Variants in PSTPIP2 observed in about 807,000 individuals in gnomAD.
PSTPIP2 encodes the protein proline-serine-threonine phosphatase interacting protein 2, also known as proline-serine-threonine phosphatase-interacting protein 2.
In PSTPIP2, 33 loss-of-function variants were observed where a neutral mutation model predicts 63.3. The ratio of observed to expected loss-of-function variants is 0.52; its 90% CI spans 0.40 to 0.70. PSTPIP2 has a LOEUF of 0.70. PSTPIP2 is among the 30% of genes least tolerant of loss of function. The pLI is 0.00. For missense variants in PSTPIP2, 312 were observed against 400.7 expected, an observed-to-expected ratio of 0.78 and a Z score of 1.89; for synonymous variants, 125 against 132.7, an observed-to-expected ratio of 0.94 and a Z score of 0.40.
At chr18:46,032,947 C>G (rs1050870034) in intron 2 of PSTPIP2, among the ~76,000 whole-genome samples, 7 of 152,124 alleles carry the variant, frequency 4.6e-5, no homozygotes, top group Non-Finnish European at 1.0e-4. Context: ...TGCCATAAAA[C>G]CTAACACTTA....
chr18:46,072,088 C>A, intron 1 of PSTPIP2, 68 bp downstream of exon 1: 2 of 1,503,540 alleles, frequency 1.3e-6, no homozygotes, highest in Non-Finnish European at 8.9e-7. Context: ...CCCCCACGCC[C>A]GCCGCGTTGG....
At chr18:46,046,470 A>G (rs1459368832) in intron 1 of PSTPIP2, among the ~76,000 whole-genome samples, 1 of 152,226 alleles carries the variant, frequency 6.6e-6, no homozygotes, top group Non-Finnish European at 1.5e-5. Context: ...TTAAACATGC[A>G]GACCCCTCAG....
rs1475341983 is a variant in PSTPIP2, at chr18:46,072,212, G to A, written c.-24C>T. On this transcript the variant is annotated 5_prime_UTR_variant, in exon 1 of 15. Transcript: ENST00000409746. ...ATCGCAGCGCGAGTGGGGGCGCGGA[G>A]GAGAGCCGGGCCGCAGGTAGCACAG... is the stretch of plus-strand genomic sequence containing the variant. 4 of 1,533,054 alleles carry A rather than the reference G, an allele frequency of 2.6e-6. No individual in the cohort carries two copies. Among genetic ancestry groups the A allele is most frequent in the Non-Finnish European group, 2.6e-6 (3 of 1,139,924 alleles). 95.0% of individuals were successfully genotyped at this position (1,533,054 alleles called of 1,614,324 possible).
intron 2 of PSTPIP2, among the ~76,000 whole-genome samples, chr18:46,038,600 T>C (rs532963554): frequency 1.3e-5 from 2 of 152,296 alleles, no homozygotes; most frequent in African/African-American, 2.4e-5. Context: ...ACTGCCAGTG[T>C]TTGTAAAAAG....
intron 2 of PSTPIP2, among the ~76,000 whole-genome samples, chr18:46,027,156 A>C (rs897818977): frequency 2.0e-4 from 31 of 151,962 alleles, no homozygotes; most frequent in African/African-American, 7.5e-4. Flanking sequence ...TTAGCCAGGC[A>C]TGGTGGCGCA....
intron 1 of PSTPIP2, among the ~76,000 whole-genome samples, chr18:46,067,917 G>A (rs1909251419): frequency 6.6e-6 from 1 of 152,020 alleles, no homozygotes; most frequent in African/African-American, 2.4e-5. Flanking sequence ...AAAAATTACA[G>A]CAACAATCTA....
chr18:46,029,698 A>T, intron 2 of PSTPIP2: 1 of 695,510 alleles, frequency 1.4e-6, no homozygotes, highest in Admixed American at 2.2e-5. Flanking sequence ...AGAAGCAGTC[A>T]TTGGTTCATC....
In PSTPIP2 at chr18:45,999,452, G is replaced by A. The variant is rs1175762878; in HGVS notation, c.500C>T (p.Pro167Leu). ...CCTGGGTACCTTTTCTTGTTGCTTC[G>A]GGTTCACCAGGTTGGCACTCCGGCT... Reference protein sequence around the residue: ...AVSRSANLVNPKQQEKLFVKL... With the variant: ...AVSRSANLVNLKQQEKLFVKL... Residue 167 changes from proline (P) to leucine (L), a missense_variant, in exon 7 of 15, where the codon CCG (proline) becomes CTG (leucine). Pro to Leu is a moderately conservative substitution (Grantham distance 98). Transcript: ENST00000409746. The A allele has an allele frequency of 6.2e-6, 10 of 1,614,014 alleles. No homozygotes were observed. Among genetic ancestry groups the A allele is most frequent in the Admixed American group, 3.3e-5 (2 of 59,994 alleles).
intron 1 of PSTPIP2, among the ~76,000 whole-genome samples, chr18:46,047,370 C>A (rs1599739655): frequency 1.3e-5 from 2 of 152,102 alleles, no homozygotes; most frequent in Admixed American, 6.6e-5. Flanking sequence ...GTCAGGAGTT[C>A]GAGACCAGCT....
At chr18:46,065,986 T>C (rs1275965743) in intron 1 of PSTPIP2, among the ~76,000 whole-genome samples, 1 of 152,110 alleles carries the variant, frequency 6.6e-6, no homozygotes, top group East Asian at 1.9e-4. Flanking sequence ...AGGAAAAAAG[T>C]TGGGAAAGTA....
chr18:46,070,357 C>T (rs1309624697), intron 1 of PSTPIP2, among the ~76,000 whole-genome samples: 1 of 152,210 alleles, frequency 6.6e-6, no homozygotes, highest in African/African-American at 2.4e-5. Context: ...CACCCTGTCA[C>T]CCTCTCCGCT....
chr18:46,065,378 G>A lies in PSTPIP2; in HGVS notation c.33+6778C>T, dbSNP rs966900365. 4.6e-5 allele frequency among the ~76,000 whole-genome samples: 7 copies of A among 151,132 alleles called. No individual in the cohort carries two copies. In the East Asian group the frequency reaches 5.9e-4, roughly 13 times the overall value. On this transcript the variant is annotated intron_variant, in intron 1 of 14. Coordinates refer to ENST00000409746, the MANE Select transcript of PSTPIP2 (RefSeq NM_024430.4). Reference sequence around the variant, plus strand: ...ATGCTCTCAGCTCACTGCAAACTCCGCCTCCTGGGTTCAAACGATTCTCCT... The same window carrying A: ...ATGCTCTCAGCTCACTGCAAACTCCACCTCCTGGGTTCAAACGATTCTCCT...
chr18:46,007,508 C>T (rs1162574255), intron 5 of PSTPIP2, among the ~76,000 whole-genome samples: 1 of 152,256 alleles, frequency 6.6e-6, no homozygotes, highest in Non-Finnish European at 1.5e-5. Context: ...GACTGTGTCC[C>T]TCTGCCAGGA....
chr18:45,993,063 G>A (rs2051555530), intron 10 of PSTPIP2, among the ~76,000 whole-genome samples: 1 of 152,138 alleles, frequency 6.6e-6, no homozygotes, highest in South Asian at 2.1e-4. Context: ...GACAGAAAAT[G>A]TATCTTTGTG....
At chr18:46,051,985 T>C (rs893796069) in intron 1 of PSTPIP2, among the ~76,000 whole-genome samples, 1 of 152,194 alleles carries the variant, frequency 6.6e-6, no homozygotes, top group Non-Finnish European at 1.5e-5. Flanking sequence ...ATCCATGGCA[T>C]TCCCTGAGAA....
chr18:45,997,361 G>T lies in PSTPIP2; in HGVS notation c.642+388C>A, dbSNP rs762442800. 6.2e-4 allele frequency among the ~76,000 whole-genome samples: 94 copies of T among 151,904 alleles called. 1 individual carries two copies. Among genetic ancestry groups the T allele is most frequent in the Middle Eastern group, 3.2e-3 (1 of 316 alleles). ...GCGCCACCACACCCGGCTAATTTTT[G>T]TATTTTTAGTAGAGACAGGGTTTCA... On this transcript the variant is annotated intron_variant, in intron 9 of 14. Transcript: ENST00000409746.
chr18:46,020,393 G>A (rs776705285), intron 3 of PSTPIP2, among the ~76,000 whole-genome samples: 1 of 152,162 alleles, frequency 6.6e-6, no homozygotes, highest in East Asian at 1.9e-4. Context: ...GGTAGCTCAC[G>A]CCTGTAATCC....
chr18:46,046,089 T>A (rs188565016), intron 1 of PSTPIP2, among the ~76,000 whole-genome samples: 1 of 152,368 alleles, frequency 6.6e-6, no homozygotes, highest in East Asian at 1.9e-4. Context: ...TTCAACAAAG[T>A]TGCCAAAGCT....
intron 6 of PSTPIP2, among the ~76,000 whole-genome samples, chr18:46,004,801 A>T (rs1287030371): frequency 6.6e-6 from 1 of 152,206 alleles, no homozygotes; most frequent in Non-Finnish European, 1.5e-5. Context: ...AGCAGTATGG[A>T]GATTCCTCAA....
Sources: gnomAD v4.1 joint callset for allele counts (sites outside exome capture counted in the v4.1 genomes callset) on GRCh38, gnomAD v4.1.1 for gene constraint, MANE v1.5 for transcripts, NCBI Gene and HGNC (gene_info 2026-07-23, HGNC 2026-07-21) for gene names.